DELE1: variants seen among roughly 807,000 people sequenced by gnomAD.
The protein encoded by DELE1 is DAP3 binding cell death enhancer 1, also known as death ligand signal enhancer.
A neutral mutation model predicts 59.3 loss-of-function variants in DELE1; 54 were observed. The ratio of observed to expected loss-of-function variants is 0.91; its 90% CI spans 0.73 to 1.14. DELE1 has a LOEUF of 1.14. Ranked by LOEUF, DELE1 falls within the 50% of genes most tolerant of loss-of-function variation. The pLI is 0.00. For missense variants in DELE1, 636 were observed against 643.9 expected (o/e 0.99, Z 0.13); for synonymous variants, 264 against 259.1 (o/e 1.02, Z -0.18).
rs895071607 is a variant in DELE1, at chr5:141,938,922, C to A, written c.*163C>A. On this transcript the variant is annotated 3_prime_UTR_variant, in exon 12 of 12. Coordinates refer to ENST00000432126, the MANE Select transcript of DELE1 (RefSeq NM_014773.5). ...CATGGCTGGTAAGTGACTGATCTTTCCCCCCGCTTGGTAGCCTCACAGATG... is the reference window on the plus strand; with the variant it reads ...CATGGCTGGTAAGTGACTGATCTTTACCCCCGCTTGGTAGCCTCACAGATG... 340 of 1,432,810 alleles carry A rather than the reference C, an allele frequency of 2.4e-4. No homozygotes were observed. The highest frequency in any genetic ancestry group is 3.0e-4 in the Non-Finnish European group (329 of 1,097,550). The allele number at this position is 1,432,810 out of a possible 1,614,324, so 88.8% of individuals were successfully genotyped here. A position where few individuals can be genotyped will look rare whatever the true frequency, so the allele number is the denominator to read the frequency against.
Position 141,924,637 on chromosome 5 carries a change from C to G in DELE1, c.88C>G (p.Pro30Ala). The G allele has an allele frequency of 1.2e-6, 2 of 1,614,146 alleles. No individual in the cohort carries two copies. The highest frequency in any genetic ancestry group is 1.7e-6 in the Non-Finnish European group (2 of 1,179,980). ...LWRVTPKSTS[P>A]DGPQTTSSTL... ...GAGGGTGACTCCTAAGTCCACCAGC[C>G]CAGATGGGCCTCAGACTACCTCCTC... The change falls in exon 2 of 12, where the codon CCA becomes GCA. Residue 30 changes from proline to alanine, a missense_variant. Pro to Ala is a conservative substitution (Grantham distance 27). Coordinates refer to ENST00000432126, the MANE Select transcript of DELE1 (RefSeq NM_014773.5).
chr5:141,929,610 C>T lies in DELE1; in HGVS notation c.441C>T (p.Pro147=), dbSNP rs777339310. 10 of 1,613,968 alleles carry T rather than the reference C, an allele frequency of 6.2e-6. No individual in the cohort carries two copies. Among genetic ancestry groups the T allele is most frequent in the African/African-American group, 2.7e-5 (2 of 74,938 alleles). ...SSLRQHILPS[P]DGPAPRHTGL... The stretch of plus-strand genomic sequence containing the variant: ...TGCGACAACACATCCTCCCCAGCCC[C>T]GATGGCCCAGCTCCCAGGCACACTG... The change falls in exon 5 of 12, where the codon CCC becomes CCT. Residue 147 remains proline, a synonymous_variant. Transcript: ENST00000432126.
intron 10 of DELE1, among the ~76,000 whole-genome samples, chr5:141,936,618 A>G (rs551098858): frequency 1.3e-5 from 2 of 152,162 alleles, no homozygotes; most frequent in South Asian, 4.2e-4. Context: ...TTGTATTTTT[A>G]GAGACGGGGT....
At position 141,929,644 on chromosome 5, in the gene DELE1, G is replaced by A. The variant is rs76364748; in HGVS notation, c.475G>A (p.Glu159Lys). The change falls in exon 5 of 12, where the codon GAA (glutamate) becomes AAA (lysine). Residue 159 changes from glutamate (E) to lysine (K), a missense_variant. Transcript: ENST00000432126. ...GPAPRHTGLR[E>K]PRLGQEEASA... is the part of the protein sequence containing the mutation. ...AGCTCCCAGGCACACTGGCCTCAGGGAACCCAGGCTTGGCCAGGAAGAAGC... is the reference window on the plus strand; with the variant it reads ...AGCTCCCAGGCACACTGGCCTCAGGAAACCCAGGCTTGGCCAGGAAGAAGC... 849 of 1,614,172 alleles carry A rather than the reference G, an allele frequency of 5.3e-4. 6 individuals are homozygous for A. The African/African-American group carries it at 9.3e-3, about 18-fold the overall frequency.
chr5:141,929,776 G>C (rs1263834293), intron 5 of DELE1, 36 bp downstream of exon 5: 1 of 1,611,094 alleles, frequency 6.2e-7, no homozygotes, highest in East Asian at 2.2e-5. Flanking sequence ...CAGAAGGCAG[G>C]GGGCGGTGGT....
At chr5:141,924,327 T>C (rs1285916492) in intron 1 of DELE1, among the ~76,000 whole-genome samples, 1 of 152,128 alleles carries the variant, frequency 6.6e-6, no homozygotes, top group Non-Finnish European at 1.5e-5. Context: ...TGAGAGTATA[T>C]GTATGAACGT....
Position 141,939,007 on chromosome 5 carries a change from C to G in DELE1, c.*248C>G. 7.6e-7 allele frequency: 1 copy of G among 1,319,522 alleles called. No homozygotes were observed. The highest frequency in any genetic ancestry group is 1.5e-5 in the African/African-American group (1 of 67,366). The allele number at this position is 1,319,522 out of a possible 1,614,324, so 81.7% of individuals were successfully genotyped here. A position where few individuals can be genotyped will look rare whatever the true frequency, so the allele number is the denominator to read the frequency against. ...TGCACCAAAGGATGCATTCAGTGAC[C>G]TATGAAAAACCCTACTGAAGGGTCC... On this transcript the variant is annotated 3_prime_UTR_variant, in exon 12 of 12. Transcript: ENST00000432126.
intron 5 of DELE1, 39 bp downstream of exon 5, chr5:141,929,779 G>A: frequency 6.2e-7 from 1 of 1,609,610 alleles, no homozygotes; most frequent in Non-Finnish European, 8.5e-7. Flanking sequence ...AAGGCAGGGG[G>A]CGGTGGTGGT....
Position 141,937,077 on chromosome 5 carries a change from G to A in DELE1, c.1150-121G>A, listed in dbSNP as rs1246062442. On this transcript the variant is annotated intron_variant, in intron 10 of 11. Coordinates refer to ENST00000432126, the MANE Select transcript of DELE1 (RefSeq NM_014773.5). ...CCTTGCTATGGGGCGGGCCAGGACT[G>A]GGCCTTGACCGTGTGTGGATGAAGT... The A allele has an allele frequency of 4.5e-6, 7 of 1,546,220 alleles. No homozygotes were observed. In the African/African-American group the frequency reaches 6.8e-5, roughly 15 times the overall value.
At position 141,940,437 on chromosome 5, in the gene DELE1, G is replaced by T; in HGVS notation, c.*1678G>T. The T allele has an allele frequency of 1.7e-6, 1 of 576,152 alleles. No homozygotes were observed. The highest frequency in any genetic ancestry group is 1.9e-6 in the Non-Finnish European group (1 of 529,698). 35.7% of individuals were successfully genotyped at this position (576,152 alleles called of 1,614,324 possible). On this transcript the variant is annotated 3_prime_UTR_variant, in exon 12 of 12. Transcript: ENST00000432126. ...GTCTGGGAGGGATAGAGAGCCCACC[G>T]CCCACCCCCCACAATCCCATGACTG...
intron 3 of DELE1, among the ~76,000 whole-genome samples, chr5:141,927,036 T>C (rs1751479363): frequency 6.6e-6 from 1 of 152,224 alleles, no homozygotes; most frequent in South Asian, 2.1e-4. Flanking sequence ...AGGACCCCTT[T>C]TATGCTCTGT....
Position 141,942,010 on chromosome 5 carries a change from C to G in DELE1, c.*3251C>G. 1.0e-6 allele frequency: 1 copy of G among 985,414 alleles called. No individual in the cohort carries two copies. The highest frequency in any genetic ancestry group is 1.2e-6 in the Non-Finnish European group (1 of 829,936). 61.0% of individuals were successfully genotyped at this position (985,414 alleles called of 1,614,324 possible). On this transcript the variant is annotated 3_prime_UTR_variant, in exon 12 of 12. Transcript: ENST00000432126. ...ACGGTTTCCTGTGCTACTTCTGGCA[C>G]TTAGTAATTATTCAATAAACACAAA...
At position 141,934,541 on chromosome 5, in the gene DELE1, TGAGCAGA is replaced by T; in HGVS notation, c.1109_1115del (p.Gln370LeufsTer2). On this transcript the variant is annotated frameshift_variant, in exon 10 of 12. Transcript: ENST00000432126. LOFTEE classifies it high-confidence loss of function. ...TTTTCACCAAGGAGCCCTACCTGGATGAGCAGAGAGCTGTGAAATATCTTTGGCTTGC... is the reference window on the plus strand; with the variant it reads ...TTTTCACCAAGGAGCCCTACCTGGATGAGCTGTGAAATATCTTTGGCTTGC... 1 of 1,614,268 alleles carries T rather than the reference TGAGCAGA, an allele frequency of 6.2e-7. No homozygotes were observed. Among genetic ancestry groups the T allele is most frequent in the African/African-American group, 1.3e-5 (1 of 75,078 alleles).
intron 4 of DELE1, among the ~76,000 whole-genome samples, chr5:141,928,762 CT>C (rs1215892614): frequency 6.6e-6 from 1 of 152,224 alleles, no homozygotes; most frequent in African/African-American, 2.4e-5. Flanking sequence ...GAACAAGTCA[CT>C]TTTAACTTCC....
Position 141,934,242 on chromosome 5 carries a change from G to T in DELE1, c.900G>T (p.Ala300=), listed in dbSNP as rs564297690. 5 of 1,604,300 alleles carry T rather than the reference G, an allele frequency of 3.1e-6. No homozygotes were observed. The highest frequency in any genetic ancestry group is 4.3e-6 in the Non-Finnish European group (5 of 1,172,922). ...GGGTGTTTCTCCCTTTGCCCCAGGC[G>T]GTCCTTTATTATCAGTTGGCTGCCA... ...GRGTPRDISK[A]VLYYQLAASQ... is the part of the protein sequence containing the mutation. The change falls in exon 9 of 12, where the codon GCG becomes GCT. Residue 300 remains alanine, a splice_region_variant and synonymous_variant. Coordinates refer to ENST00000432126, the MANE Select transcript of DELE1 (RefSeq NM_014773.5).
At position 141,941,924 on chromosome 5, in the gene DELE1, A is replaced by G; in HGVS notation, c.*3165A>G. The G allele has an allele frequency of 1.0e-6, 1 of 985,402 alleles. No individual in the cohort carries two copies. Among genetic ancestry groups the G allele is most frequent in the Non-Finnish European group, 1.2e-6 (1 of 829,928 alleles). The allele number at this position is 985,402 out of a possible 1,614,324, so 61.0% of individuals were successfully genotyped here. On this transcript the variant is annotated 3_prime_UTR_variant, in exon 12 of 12. Transcript: ENST00000432126. ...GAATAATTTTAAATAACTTGAATGA[A>G]TAATTCTGTATTGCCCCCCACTCGC...
Position 141,941,710 on chromosome 5 carries a change from T to C in DELE1, c.*2951T>C, listed in dbSNP as rs1313319614. 9.1e-6 allele frequency: 9 copies of C among 985,034 alleles called. No individual in the cohort carries two copies. Among genetic ancestry groups the C allele is most frequent in the African/African-American group, 1.8e-5 (1 of 57,114 alleles). The allele number at this position is 985,034 out of a possible 1,614,324, so 61.0% of individuals were successfully genotyped here. A position where few individuals can be genotyped will look rare whatever the true frequency, so the allele number is the denominator to read the frequency against. ...ATCCGGAGATGCTGTTTTCAGGGAG[T>C]CCTGACACTATGATGGGAACAAGGC... On this transcript the variant is annotated 3_prime_UTR_variant, in exon 12 of 12. Coordinates refer to ENST00000432126, the MANE Select transcript of DELE1 (RefSeq NM_014773.5).
chr5:141,925,302 C>T (rs1001803026), intron 2 of DELE1, 108 bp from the exon 3 acceptor site: 9 of 600,950 alleles, frequency 1.5e-5, no homozygotes, highest in South Asian at 1.3e-4. Context: ...ACCTCGTGAT[C>T]CACCCACCTC....
At chr5:141,928,779 C>G (rs1751632407) in intron 4 of DELE1, among the ~76,000 whole-genome samples, 1 of 152,154 alleles carries the variant, frequency 6.6e-6, no homozygotes, top group South Asian at 2.1e-4. Flanking sequence ...CTTCCTTCTG[C>G]CTCGGTTTCT....
Sources: allele counts gnomAD v4.1 joint callset (sites outside exome capture counted in the v4.1 genomes callset), GRCh38; gene constraint gnomAD v4.1.1; transcripts MANE v1.5; gene names NCBI Gene and HGNC (gene_info 2026-07-23, HGNC 2026-07-21).